The following POLR1A variants were observed in gnomAD, a reference collection of about 807,000 sequenced individuals.
POLR1A encodes RNA polymerase I subunit A.
Under a neutral mutation model 205.3 loss-of-function variants are expected in POLR1A, and 84 were observed. That is an observed-to-expected ratio of 0.41 (90% CI 0.34 to 0.49). The LOEUF (loss-of-function observed/expected upper bound fraction) is 0.49. POLR1A is among the 20% of genes least tolerant of loss of function. The pLI is 0.22. For synonymous variants in POLR1A, 799 were observed against 863.7 expected, an observed-to-expected ratio of 0.93 and a Z score of 1.31; for missense variants, 1,645 against 2,204.5, an observed-to-expected ratio of 0.75 and a Z score of 5.08.
In POLR1A at chr2:86,022,432, C is replaced by T. The variant is rs1211210273; in HGVS notation, c.*4991G>A. The T allele has an allele frequency of 6.6e-6, 1 of 152,196 alleles. No individual in the cohort carries two copies. The highest frequency in any genetic ancestry group is 1.5e-5 in the Non-Finnish European group (1 of 68,040). The allele number at this position is 152,196 out of a possible 1,614,324, so 9.4% of individuals were successfully genotyped here. On this transcript the variant is annotated 3_prime_UTR_variant, in exon 34 of 34. Transcript: ENST00000263857. Reference sequence around the variant, plus strand: ...GGCCAGTGACTCCTTGAGATGTCATCGTACCGATAGGTGGTGACGGTGGCT... The same window carrying T: ...GGCCAGTGACTCCTTGAGATGTCATTGTACCGATAGGTGGTGACGGTGGCT...
At chr2:86,100,332 G>A (rs1673789138) in intron 1 of POLR1A, among the ~76,000 whole-genome samples, 160 bp from the exon 2 acceptor site, 1 of 152,148 alleles carries the variant, frequency 6.6e-6, no homozygotes, top group South Asian at 2.1e-4. Flanking sequence ...AACACTAAGT[G>A]CAGAGTTGGT....
In POLR1A at chr2:86,070,015, T is replaced by C. The variant is rs369528639; in HGVS notation, c.1866+3A>G. On this transcript the variant is annotated splice_donor_region_variant and intron_variant, in intron 13 of 33. Transcript: ENST00000263857. This position sits in a 1 kb window ranked among gnomAD's most constrained non-coding sequence, Gnocchi z 4.4. ...CACGGAACAGCCTCAAGGCCAGACCTACCTTGGGAACAAGGTACTGCTGAT... is the reference window on the plus strand; with the variant it reads ...CACGGAACAGCCTCAAGGCCAGACCCACCTTGGGAACAAGGTACTGCTGAT... The C allele has an allele frequency of 9.9e-5, 160 of 1,611,810 alleles. 2 individuals carry two copies. In the East Asian group the frequency reaches 2.9e-3, roughly 30 times the overall value.
rs149927420 is a variant in POLR1A at position 86,085,204 on chromosome 2, G to A, written c.731-2036C>T. 4.9e-3 allele frequency among the ~76,000 whole-genome samples: 738 copies of A among 152,088 alleles called. 9 individuals are homozygous for A. The highest frequency in any genetic ancestry group is 0.017 in the African/African-American group (712 of 41,508). On this transcript the variant is annotated intron_variant, in intron 6 of 33. Coordinates refer to ENST00000263857, the MANE Select transcript of POLR1A (RefSeq NM_015425.6). ...TCTGGATCTACTGATCTTGCAATCC[G>A]CCCGCCTCAGCCTCCCAAAGCGCTG...
At position 86,088,614 on chromosome 2, in the gene POLR1A, G is replaced by C. The variant is rs529685613; in HGVS notation, c.682C>G (p.Pro228Ala). The change falls in exon 6 of 34, where the codon CCA (proline) becomes GCA (alanine). Residue 228 changes from proline to alanine, a missense_variant. Transcript: ENST00000263857. ...CCAGCTGTCCTGTGCACCATGGCTG[G>C]AAACGTGATAGTCAACTTGCTGTTG... is the stretch of plus-strand genomic sequence containing the variant. Reference protein sequence around the residue: ...EHNSKLTITFPAMVHRTAGQK... With the variant: ...EHNSKLTITFAAMVHRTAGQK... 5.6e-6 allele frequency: 9 copies of C among 1,613,974 alleles called. No homozygotes were observed. The highest frequency in any genetic ancestry group is 7.6e-6 in the Non-Finnish European group (9 of 1,179,904).
chr2:86,093,175 T>C (rs1008023765), intron 3 of POLR1A, among the ~76,000 whole-genome samples: 4 of 152,150 alleles, frequency 2.6e-5, no homozygotes, highest in South Asian at 2.1e-4. Context: ...CACAGCAAAA[T>C]AGGAATACAA....
intron 13 of POLR1A, among the ~76,000 whole-genome samples, chr2:86,068,235 C>T (rs142487684): frequency 3.9e-5 from 6 of 152,140 alleles, no homozygotes; most frequent in African/African-American, 1.4e-4. Flanking sequence ...TGCTGCTCCC[C>T]GGTAGTGTCC....
chr2:86,057,349 T>C (rs908119597), intron 14 of POLR1A, among the ~76,000 whole-genome samples: 3 of 152,250 alleles, frequency 2.0e-5, no homozygotes, highest in Non-Finnish European at 4.4e-5. Context: ...GAGACCTTCA[T>C]ACATTGTTAG....
intron 31 of POLR1A, among the ~76,000 whole-genome samples, chr2:86,029,408 G>A (rs1672338842): frequency 1.3e-5 from 2 of 152,138 alleles, no homozygotes; most frequent in African/African-American, 4.8e-5. Flanking sequence ...AAAGTTCTGG[G>A]AGAGTTGGTG....
At position 86,028,931 on chromosome 2, in the gene POLR1A, C is replaced by T. The variant is rs1158889088; in HGVS notation, c.4780-220G>A. 7 of 535,540 alleles carry T rather than the reference C, an allele frequency of 1.3e-5. No homozygotes were observed. The East Asian group carries it at 1.7e-4, about 13-fold the overall frequency. The allele number at this position is 535,540 out of a possible 1,614,324, so 33.2% of individuals were successfully genotyped here. On this transcript the variant is annotated intron_variant, in intron 31 of 33. Coordinates refer to ENST00000263857, the MANE Select transcript of POLR1A (RefSeq NM_015425.6). This position sits in a 1 kb window ranked among gnomAD's most constrained non-coding sequence, Gnocchi z 4.5. ...GGGCCCAAGGTCTGTATCGTCATTA[C>T]AAGAATCCAGCGTGTCCACTTTGGA...
In POLR1A at chr2:86,025,885, C is replaced by G. The variant is rs963492627; in HGVS notation, c.*1538G>C. Reference sequence around the variant, plus strand: ...CCTCTGTGCCCATGCCTTGGTGAACCTGGCAGACCCCGTTAGGAGGTACTG... The same window carrying G: ...CCTCTGTGCCCATGCCTTGGTGAACGTGGCAGACCCCGTTAGGAGGTACTG... On this transcript the variant is annotated 3_prime_UTR_variant, in exon 34 of 34. Transcript: ENST00000263857. The G allele has an allele frequency of 1.4e-4, 21 of 152,274 alleles. No homozygotes were observed. Among genetic ancestry groups the G allele is most frequent in the African/African-American group, 4.8e-4 (20 of 41,468 alleles). The allele number at this position is 152,274 out of a possible 1,614,324, so 9.4% of individuals were successfully genotyped here.
chr2:86,044,000 G>A (rs935879303), intron 22 of POLR1A, 139 bp downstream of exon 22: 12 of 709,678 alleles, frequency 1.7e-5, no homozygotes, highest in Admixed American at 7.8e-5. Flanking sequence ...GGCACTGACC[G>A]GTGTCTTATA....
intron 31 of POLR1A, among the ~76,000 whole-genome samples, 191 bp downstream of exon 31, chr2:86,030,005 C>T (rs369261751): frequency 9.2e-5 from 14 of 152,298 alleles, no homozygotes; most frequent in African/African-American, 3.1e-4. Context: ...ATGAGGCTAA[C>T]GTGCCCCAGA....
intron 9 of POLR1A, among the ~76,000 whole-genome samples, chr2:86,080,235 C>A (rs750988977): frequency 2.0e-5 from 3 of 152,118 alleles, no homozygotes; most frequent in African/African-American, 7.2e-5. Context: ...GTGCCCAATT[C>A]ACCTTTGTAC....
intron 10 of POLR1A, 22 bp from the exon 11 acceptor site, chr2:86,078,003 T>TA (rs1282275724): frequency 6.2e-7 from 1 of 1,613,772 alleles, no homozygotes; most frequent in Non-Finnish European, 8.5e-7. Context: ...AAAAAGGTCA[T>TA]AAAAAACATT....
intron 16 of POLR1A, among the ~76,000 whole-genome samples, chr2:86,050,482 C>T (rs1165269456): frequency 6.6e-6 from 1 of 152,190 alleles, no homozygotes; most frequent in Non-Finnish European, 1.5e-5. Flanking sequence ...CCTTTATGGA[C>T]CCCGCTAGCT....
intron 27 of POLR1A, among the ~76,000 whole-genome samples, chr2:86,036,772 C>T (rs551096779): frequency 1.9e-4 from 29 of 152,296 alleles, no homozygotes; most frequent in African/African-American, 6.5e-4. Context: ...AAAGCTACTG[C>T]GCATGGCTTT....
intron 11 of POLR1A, among the ~76,000 whole-genome samples, chr2:86,077,429 C>T (rs185312005): frequency 2.6e-5 from 4 of 152,338 alleles, no homozygotes; most frequent in Non-Finnish European, 5.9e-5. Flanking sequence ...GTACACATTT[C>T]TGATGCCTGG....
chr2:86,057,940 TA>T (rs146508028), intron 14 of POLR1A, among the ~76,000 whole-genome samples: 18 of 148,864 alleles, frequency 1.2e-4, no homozygotes, highest in Admixed American at 2.0e-4. Context: ...AATGGTCCTT[TA>T]AAAAAAAAAG....
At position 86,045,758 on chromosome 2, in the gene POLR1A, C is replaced by G. The variant is rs1157659067; in HGVS notation, c.2745G>C (p.Leu915=). 1 of 1,606,738 alleles carries G rather than the reference C, an allele frequency of 6.2e-7. No homozygotes were observed. The highest frequency in any genetic ancestry group is 1.3e-5 in the African/African-American group (1 of 74,108). ...GACCTTCCAGTTCAATCTGGCCCAGCAGGCACGAGATCTGGAGGACAGGAA... is the reference window on the plus strand; with the variant it reads ...GACCTTCCAGTTCAATCTGGCCCAGGAGGCACGAGATCTGGAGGACAGGAA... ...STVNTMQISC[L]LGQIELEGRR... The change falls in exon 20 of 34, where the codon CTG becomes CTC. Residue 915 remains leucine, a synonymous_variant. Coordinates refer to ENST00000263857, the MANE Select transcript of POLR1A (RefSeq NM_015425.6).
Sources: allele counts gnomAD v4.1 joint callset (sites outside exome capture counted in the v4.1 genomes callset), GRCh38; gene constraint gnomAD v4.1.1; non-coding constraint Gnocchi (gnomAD v3.1); transcripts MANE v1.5; gene names NCBI Gene and HGNC (gene_info 2026-07-23, HGNC 2026-07-21).